Variants in MVB12B observed in about 807,000 individuals in gnomAD.
MVB12B encodes multivesicular body subunit 12B, also known as ESCRT-I complex subunit MVB12B.
In MVB12B, 16 loss-of-function variants were observed where a neutral mutation model predicts 41.6. That is an observed-to-expected ratio of 0.38 (90% CI 0.26 to 0.58). The LOEUF is 0.58. Among genes scored for constraint, MVB12B ranks in the 20% least tolerant of loss-of-function variants. The pLI is 0.62. For synonymous variants in MVB12B, 133 were observed against 139.7 expected, an observed-to-expected ratio of 0.95 and a Z score of 0.34; for missense variants, 274 against 380.2, an observed-to-expected ratio of 0.72 and a Z score of 2.32.
intron 1 of MVB12B, among the ~76,000 whole-genome samples, chr9:126,339,390 G>C (rs1829374958): frequency 6.6e-6 from 1 of 152,178 alleles, no homozygotes; most frequent in African/African-American, 2.4e-5. Context: ...TGCAGAAGGA[G>C]GTGGAATTTG....
At chr9:126,362,676 T>G (rs1830059114) in intron 2 of MVB12B, among the ~76,000 whole-genome samples, 1 of 152,194 alleles carries the variant, frequency 6.6e-6, no homozygotes, top group Non-Finnish European at 1.5e-5. Flanking sequence ...TAAAGTAACA[T>G]TCTCTCAAAT....
intron 9 of MVB12B, among the ~76,000 whole-genome samples, chr9:126,492,929 TCTG>T (rs1833763361): frequency 6.6e-6 from 1 of 152,226 alleles, no homozygotes; most frequent in Non-Finnish European, 1.5e-5. Flanking sequence ...GCGAGCGTCT[TCTG>T]CTCGCTCTCT....
chr9:126,331,665 T>C (rs1376849143), intron 1 of MVB12B, among the ~76,000 whole-genome samples: 1 of 152,246 alleles, frequency 6.6e-6, no homozygotes, highest in African/African-American at 2.4e-5. Flanking sequence ...TCCGGTTTTA[T>C]AGGGATGGAA....
At chr9:126,359,216 AT>A (rs1447652976) in intron 2 of MVB12B, among the ~76,000 whole-genome samples, 4 of 152,036 alleles carry the variant, frequency 2.6e-5, no homozygotes, top group Admixed American at 2.6e-4. Context: ...ACACTGATTG[AT>A]TTTTGAGTGT....
chr9:126,339,714 G>A (rs1386908223), intron 1 of MVB12B, among the ~76,000 whole-genome samples: 1 of 152,152 alleles, frequency 6.6e-6, no homozygotes, highest in Non-Finnish European at 1.5e-5. Flanking sequence ...ATGGAGTGAC[G>A]CCTATCACAT....
intron 6 of MVB12B, among the ~76,000 whole-genome samples, chr9:126,407,656 C>T (rs1472035515): frequency 1.3e-5 from 2 of 152,150 alleles, no homozygotes; most frequent in Non-Finnish European, 1.5e-5. Context: ...AGTTCTTCCC[C>T]GTCTGCCTTT....
At chr9:126,421,230 C>T (rs909877500) in intron 6 of MVB12B, among the ~76,000 whole-genome samples, 5 of 152,220 alleles carry the variant, frequency 3.3e-5, no homozygotes, top group African/African-American at 9.6e-5. Flanking sequence ...CCATCAAAGA[C>T]TGTGCTGTAT....
rs553034473 is a variant in MVB12B, at chr9:126,436,524, G to A, written c.757+14576G>A. ...CTTAGTATAAAAGTGAAAAGGTTACGTGTACTAGTTTGAGTATACCTATGA... is the reference window on the plus strand; with the variant it reads ...CTTAGTATAAAAGTGAAAAGGTTACATGTACTAGTTTGAGTATACCTATGA... On this transcript the variant is annotated intron_variant, in intron 7 of 9. Transcript: ENST00000361171. The surrounding 1 kb of genome is among the most constrained non-coding windows in gnomAD (Gnocchi z 4.1). Among the ~76,000 whole-genome samples the A allele has an allele frequency of 4.6e-5, 7 of 152,338 alleles. No individual in the cohort carries two copies. In the South Asian group the frequency reaches 8.3e-4, roughly 18 times the overall value.
intron 9 of MVB12B, among the ~76,000 whole-genome samples, chr9:126,496,410 T>C (rs1209412955): frequency 2.8e-5 from 3 of 107,410 alleles, no homozygotes; most frequent in Non-Finnish European, 5.6e-5. Flanking sequence ...ACCCACTCAC[T>C]CACCCACCCA....
chr9:126,455,892 T>C (rs906235507), intron 7 of MVB12B, among the ~76,000 whole-genome samples: 24 of 144,776 alleles, frequency 1.7e-4, no homozygotes, highest in East Asian at 4.0e-4. Context: ...TCTTTCTTTT[T>C]TTTTTTTTTT....
chr9:126,409,678 A>G (rs1831569622), intron 6 of MVB12B, among the ~76,000 whole-genome samples: 1 of 152,098 alleles, frequency 6.6e-6, no homozygotes, highest in Admixed American at 6.5e-5. Context: ...CCAGCACCCC[A>G]CAGCATCAGA....
chr9:126,456,714 T>C (rs1832992362), intron 7 of MVB12B, among the ~76,000 whole-genome samples: 1 of 152,130 alleles, frequency 6.6e-6, no homozygotes, highest in African/African-American at 2.4e-5. Context: ...GGATATGGGG[T>C]CTGAGGCATC....
At chr9:126,335,391 C>G in intron 1 of MVB12B, 1 of 1,304,310 alleles carries the variant, frequency 7.7e-7, no homozygotes, top group South Asian at 1.2e-5. Flanking sequence ...GGCCTCAGCT[C>G]TCAGCCTTCT....
rs910535769 is a variant in MVB12B, at chr9:126,397,337, C to T, written c.662+1640C>T. 3.1e-5 allele frequency: 31 copies of T among 985,328 alleles called. No homozygotes were observed. The African/African-American group carries it at 5.1e-4, about 16-fold the overall frequency. The allele number at this position is 985,328 out of a possible 1,614,324, so 61.0% of individuals were successfully genotyped here. A position where few individuals can be genotyped will look rare whatever the true frequency, so the allele number is the denominator to read the frequency against. ...GTGACTGTGAGAGCAAAGTCACTTG[C>T]ACCTGAAGCAAGACAGCCGAGAACA... On this transcript the variant is annotated intron_variant, in intron 6 of 9. Transcript: ENST00000361171.
chr9:126,491,077 T>TG, intron 9 of MVB12B, among the ~76,000 whole-genome samples: 1 of 152,354 alleles, frequency 6.6e-6, no homozygotes, highest in African/African-American at 2.4e-5. Flanking sequence ...GTTTGTGCGT[T>TG]GAAAAATGGG....
intron 6 of MVB12B, chr9:126,396,595 A>G (rs1285568762): frequency 1.0e-6 from 1 of 985,302 alleles, no homozygotes; most frequent in Non-Finnish European, 1.2e-6. Flanking sequence ...ACATACCACC[A>G]GCTCTCTGTA....
At chr9:126,445,375 C>T (rs1832741290) in intron 7 of MVB12B, among the ~76,000 whole-genome samples, 1 of 152,148 alleles carries the variant, frequency 6.6e-6, no homozygotes, top group Admixed American at 6.5e-5. Context: ...GGTGCGATCT[C>T]GGCTCACTGC....
chr9:126,440,002 A>G (rs1832590053), intron 7 of MVB12B, among the ~76,000 whole-genome samples: 1 of 152,246 alleles, frequency 6.6e-6, no homozygotes, highest in African/African-American at 2.4e-5. Context: ...GATGATATTA[A>G]TGAGCTCTTA....
intron 7 of MVB12B, among the ~76,000 whole-genome samples, chr9:126,430,181 G>T (rs1832293607): frequency 1.3e-5 from 2 of 152,124 alleles, no homozygotes; most frequent in African/African-American, 4.8e-5. Context: ...TGGTCCCCTT[G>T]CTCCTCAGAT....
Sources: allele counts gnomAD v4.1 joint callset (sites outside exome capture counted in the v4.1 genomes callset), GRCh38; gene constraint gnomAD v4.1.1; non-coding constraint Gnocchi (gnomAD v3.1); transcripts MANE v1.5; gene names NCBI Gene and HGNC (gene_info 2026-07-23, HGNC 2026-07-21).